The following SPAG16 variants were observed in gnomAD, a reference collection of about 807,000 sequenced individuals.
SPAG16 encodes the protein sperm-associated antigen 16 protein.
A neutral mutation model predicts 80.4 loss-of-function variants in SPAG16; 86 were observed. That is an observed-to-expected ratio of 1.07 (90% CI 0.90 to 1.28). SPAG16 has a LOEUF of 1.28. Ranked by LOEUF, SPAG16 falls within the 50% of genes most tolerant of loss-of-function variation. The probability of loss-of-function intolerance (pLI) is 0.00; values close to 1 mark genes in which losing one functional copy is unlikely to be tolerated. For synonymous variants in SPAG16, 294 were observed against 265.9 expected (o/e 1.11, Z -1.03); for missense variants, 870 against 765.3 (o/e 1.14, Z -1.61).
intron 10 of SPAG16, among the ~76,000 whole-genome samples, chr2:213,796,919 T>A (rs1369166706): frequency 1.1e-5 from 1 of 91,226 alleles, no homozygotes; most frequent in East Asian, 3.4e-4. Flanking sequence ...GCTGCATGCA[T>A]GTTATTTCTC....
intron 15 of SPAG16, among the ~76,000 whole-genome samples, chr2:214,207,518 GC>G (rs1423734556): frequency 6.6e-6 from 1 of 152,042 alleles, no homozygotes; most frequent in Non-Finnish European, 1.5e-5. Context: ...CAAATATCAG[GC>G]CCCAAAAGGT....
chr2:213,332,744 C>T (rs2064163938), intron 5 of SPAG16, among the ~76,000 whole-genome samples: 1 of 152,132 alleles, frequency 6.6e-6, no homozygotes, highest in Admixed American at 6.6e-5. Flanking sequence ...CAGTGTGATA[C>T]ATTACATCAA....
chr2:214,207,266 A>G (rs529527978), intron 15 of SPAG16, among the ~76,000 whole-genome samples: 1 of 152,312 alleles, frequency 6.6e-6, no homozygotes, highest in East Asian at 1.9e-4. Context: ...TTTTTCTTCA[A>G]CAATTCTTAA....
intron 13 of SPAG16, among the ~76,000 whole-genome samples, chr2:214,042,615 T>C (rs759777): frequency 0.13 from 19,168 of 152,184 alleles, 1,553 homozygotes; most frequent in East Asian, 0.29. Context: ...GATAGTTCAA[T>C]GTTTCCTAAG....
At chr2:213,949,168 A>AGTTTTTTTTT (rs1559620137) in intron 12 of SPAG16, among the ~76,000 whole-genome samples, 13 of 75,180 alleles carry the variant, frequency 1.7e-4, no homozygotes, top group African/African-American at 4.7e-4. Flanking sequence ...TAATTACAAC[A>AGTTTTTTTTT]GTTTTTTTTT....
intron 15 of SPAG16, among the ~76,000 whole-genome samples, chr2:214,171,407 C>CTTT: frequency 6.6e-6 from 1 of 151,934 alleles, no homozygotes; most frequent in Non-Finnish European, 1.5e-5. Flanking sequence ...TTGCACTTTG[C>CTTT]TGAGTTATTT....
chr2:213,398,607 G>A (rs1277961947), intron 9 of SPAG16, among the ~76,000 whole-genome samples: 4 of 152,058 alleles, frequency 2.6e-5, no homozygotes, highest in African/African-American at 9.7e-5. Context: ...TTTATTTAAA[G>A]CTTTACTCAA....
intron 10 of SPAG16, among the ~76,000 whole-genome samples, chr2:213,746,973 G>A (rs186727469): frequency 3.0e-3 from 463 of 152,162 alleles, no homozygotes; most frequent in Middle Eastern, 0.01. Context: ...CTGTAAATCA[G>A]TCTCAGGTCC....
intron 10 of SPAG16, among the ~76,000 whole-genome samples, chr2:213,779,326 A>T (rs2069798681): frequency 6.6e-6 from 1 of 152,218 alleles, no homozygotes; most frequent in Non-Finnish European, 1.5e-5. Flanking sequence ...TTAGATCTGT[A>T]ATATTTAATA....
chr2:213,627,536 CAA>C (rs1399479928), intron 10 of SPAG16, among the ~76,000 whole-genome samples: 1 of 152,128 alleles, frequency 6.6e-6, no homozygotes, highest in African/African-American at 2.4e-5. Flanking sequence ...TTCCTGTATT[CAA>C]AGCAGTTTTA....
intron 10 of SPAG16, among the ~76,000 whole-genome samples, chr2:213,583,170 C>G (rs1478166778): frequency 6.6e-6 from 1 of 152,042 alleles, no homozygotes; most frequent in Non-Finnish European, 1.5e-5. Flanking sequence ...ATTGACTGCT[C>G]TATTTCAGAT....
At chr2:213,557,665 C>T (rs2059470281) in intron 10 of SPAG16, among the ~76,000 whole-genome samples, 1 of 152,126 alleles carries the variant, frequency 6.6e-6, no homozygotes, top group Non-Finnish European at 1.5e-5. Context: ...GCTGCCTAGG[C>T]TGGTCTAGAA....
chr2:214,200,671 C>T (rs2057984118), intron 15 of SPAG16, among the ~76,000 whole-genome samples: 2 of 151,992 alleles, frequency 1.3e-5, no homozygotes. Context: ...AGATCCCCAT[C>T]TCAAACAAAC....
chr2:213,378,875 C>A (rs2067024184), intron 9 of SPAG16, among the ~76,000 whole-genome samples: 1 of 152,198 alleles, frequency 6.6e-6, no homozygotes, highest in African/African-American at 2.4e-5. Context: ...CAGGGCATGG[C>A]AATACTAAGA....
intron 12 of SPAG16, among the ~76,000 whole-genome samples, chr2:213,964,384 C>T (rs973999619): frequency 6.6e-6 from 1 of 151,992 alleles, no homozygotes; most frequent in Non-Finnish European, 1.5e-5. Flanking sequence ...CTGAAGAACA[C>T]CTTTAGTATT....
At chr2:214,157,513 G>T (rs1265099842) in intron 15 of SPAG16, among the ~76,000 whole-genome samples, 1 of 151,742 alleles carries the variant, frequency 6.6e-6, no homozygotes, top group Non-Finnish European at 1.5e-5. Flanking sequence ...AATAATAATG[G>T]GGACACCTTG....
chr2:213,317,561 G>T, intron 5 of SPAG16: 1 of 1,232,440 alleles, frequency 8.1e-7, no homozygotes, highest in Non-Finnish European at 1.0e-6. Context: ...AACAAGAAGG[G>T]AATGCAGGTA....
intron 10 of SPAG16, among the ~76,000 whole-genome samples, chr2:213,573,501 T>C (rs999388621): frequency 6.6e-5 from 10 of 152,236 alleles, no homozygotes; most frequent in Non-Finnish European, 1.3e-4. Flanking sequence ...CTACATATAA[T>C]TGCATTTTGG....
At chr2:213,714,068 C>G (rs547126845) in intron 10 of SPAG16, among the ~76,000 whole-genome samples, 3 of 152,304 alleles carry the variant, frequency 2.0e-5, no homozygotes, top group African/African-American at 7.2e-5. Context: ...AGCAAATCTT[C>G]CACTGATGAC....
Sources: gnomAD v4.1 joint callset for allele counts (sites outside exome capture counted in the v4.1 genomes callset) on GRCh38, gnomAD v4.1.1 for gene constraint, MANE v1.5 for transcripts, NCBI Gene and HGNC (gene_info 2026-07-23, HGNC 2026-07-21) for gene names.